The following PHYHIP variants were observed in gnomAD, a reference collection of about 807,000 sequenced individuals.
PHYHIP encodes phytanoyl-CoA hydroxylase-interacting protein.
PHYHIP carries 7 observed loss-of-function variants against 26.1 expected under a neutral mutation model. The observed-to-expected ratio is 0.27, with a 90% CI of 0.15 to 0.50. The LOEUF (loss-of-function observed/expected upper bound fraction) is 0.50, where lower values mean the gene tolerates loss of function less well. Ranked by LOEUF, PHYHIP falls within the 20% of genes least tolerant of loss-of-function variation. The pLI is 0.98. For synonymous variants in PHYHIP, 206 were observed against 183.4 expected (o/e 1.12, Z -1.00); for missense variants, 232 against 454.7 (o/e 0.51, Z 4.45).
chr8:22,225,640 CA>C (rs57092360), intron 3 of PHYHIP, among the ~76,000 whole-genome samples: 102 of 127,966 alleles, frequency 8.0e-4, no homozygotes, highest in South Asian at 5.8e-3. Flanking sequence ...ACTAAAAATA[CA>C]AAAAAAAAAA....
intron 3 of PHYHIP, 84 bp downstream of exon 3, chr8:22,226,767 T>C (rs1267811849): frequency 2.3e-6 from 3 of 1,316,950 alleles, no homozygotes; most frequent in East Asian, 4.8e-5. Flanking sequence ...CAGTGTTTGC[T>C]GGACTACGAG....
At chr8:22,228,779 A>C (rs1309331023) in intron 1 of PHYHIP, 1 of 158,846 alleles carries the variant, frequency 6.3e-6, no homozygotes, top group Non-Finnish European at 1.4e-5. Context: ...GAGGAAACGC[A>C]GGAAGCACCT....
intron 4 of PHYHIP, among the ~76,000 whole-genome samples, chr8:22,222,804 T>TCA (rs1311269410): frequency 6.6e-6 from 1 of 152,136 alleles, no homozygotes; most frequent in Non-Finnish European, 1.5e-5. Flanking sequence ...AGTGGTGCAA[T>TCA]CACAGCTCAC....
In PHYHIP at chr8:22,221,470, G is replaced by A. The variant is rs143500575; in HGVS notation, c.876C>T (p.Val292=). The change falls in exon 5 of 5, where the codon GTC becomes GTT. Residue 292 remains valine (V), a synonymous_variant. Coordinates refer to ENST00000454243, the MANE Select transcript of PHYHIP (RefSeq NM_014759.5). This position sits in a 1 kb window ranked among gnomAD's most constrained non-coding sequence, Gnocchi z 7.9. ...LILEIIYTEP[V]DLSLGTLGEI... is the part of the protein sequence containing the mutation. ...CCCCCAGGGTGCCCAGGGACAGGTC[G>A]ACGGGCTCAGTGTAGATGATCTCCA... 967 of 1,614,124 alleles carry A rather than the reference G, an allele frequency of 6.0e-4. 6 individuals are homozygous for A. In the African/African-American group the frequency reaches 0.011, roughly 19 times the overall value.
chr8:22,230,868 G>A (rs987972566), intron 1 of PHYHIP, among the ~76,000 whole-genome samples: 13 of 151,366 alleles, frequency 8.6e-5, no homozygotes, highest in East Asian at 2.0e-4. Context: ...CACGCACACC[G>A]CCTCACAAGC....
At chr8:22,223,317 G>A (rs1368266868) in intron 4 of PHYHIP, among the ~76,000 whole-genome samples, 5 of 148,334 alleles carry the variant, frequency 3.4e-5, no homozygotes, top group Admixed American at 1.4e-4. Flanking sequence ...AGCAGAGATC[G>A]CGCCCCTGCA....
chr8:22,226,777 G>T, intron 3 of PHYHIP, 74 bp downstream of exon 3: 1 of 1,409,174 alleles, frequency 7.1e-7, no homozygotes, highest in Non-Finnish European at 9.7e-7. Flanking sequence ...TGGACTACGA[G>T]GAAGACCCGC....
intron 4 of PHYHIP, chr8:22,223,956 G>C (rs1829689042): frequency 5.0e-6 from 2 of 403,772 alleles, no homozygotes; most frequent in Admixed American, 8.4e-5. Flanking sequence ...GTCCCAGAGT[G>C]GGAGCAAACC....
intron 2 of PHYHIP, chr8:22,227,547 AGCTGGCC>A (rs1829774756): frequency 2.2e-6 from 1 of 452,226 alleles, no homozygotes; most frequent in Non-Finnish European, 4.5e-6. Flanking sequence ...CCTGGGAGCC[AGCTGGCC>A]GCCTCACTCC....
Position 22,220,427 on chromosome 8 carries a change from A to G in PHYHIP, c.*926T>C, listed in dbSNP as rs1586484623. ...TGGCACCATGGCAGAGCGAGTGAGCAAAGTGCACAGCTGGGCGGGGTGCCG... is the reference window on the plus strand; with the variant it reads ...TGGCACCATGGCAGAGCGAGTGAGCGAAGTGCACAGCTGGGCGGGGTGCCG... On this transcript the variant is annotated 3_prime_UTR_variant, in exon 5 of 5. Transcript: ENST00000454243. The G allele has an allele frequency of 1.3e-5, 2 of 152,774 alleles. No homozygotes were observed. The highest frequency in any genetic ancestry group is 4.1e-4 in the South Asian group (2 of 4,830). 9.5% of individuals were successfully genotyped at this position (152,774 alleles called of 1,614,324 possible).
intron 3 of PHYHIP, among the ~76,000 whole-genome samples, chr8:22,225,761 C>T (rs551016403): frequency 6.0e-5 from 9 of 149,482 alleles, no homozygotes; most frequent in African/African-American, 2.0e-4. Context: ...GCCGAGATCA[C>T]GCCACTGCAC....
At position 22,221,097 on chromosome 8, in the gene PHYHIP, A is replaced by C. The variant is rs1018712354; in HGVS notation, c.*256T>G. On this transcript the variant is annotated 3_prime_UTR_variant, in exon 5 of 5. Transcript: ENST00000454243. This position sits in a 1 kb window ranked among gnomAD's most constrained non-coding sequence, Gnocchi z 7.9. The stretch of plus-strand genomic sequence containing the variant: ...GACAAGGAAACCAGAGGAAAGGGGA[A>C]GTTCTCCAGAAGTCCAGCCCAGCTG... 8.8e-6 allele frequency: 4 copies of C among 455,572 alleles called. No individual in the cohort carries two copies. The highest frequency in any genetic ancestry group is 7.3e-5 in the Admixed American group (2 of 27,518). 28.2% of individuals were successfully genotyped at this position (455,572 alleles called of 1,614,324 possible).
intron 2 of PHYHIP, chr8:22,227,571 C>T: frequency 2.2e-6 from 1 of 456,230 alleles, no homozygotes; most frequent in South Asian, 1.5e-5. Flanking sequence ...CTCCCCCTGC[C>T]TCTGCCAGCT....
At chr8:22,231,095 G>C (rs891356512) in intron 1 of PHYHIP, among the ~76,000 whole-genome samples, 2 of 152,186 alleles carry the variant, frequency 1.3e-5, no homozygotes, top group African/African-American at 4.8e-5. Context: ...CCAGCCCTGA[G>C]CCTTCATGCC....
intron 2 of PHYHIP, 112 bp from the exon 3 acceptor site, chr8:22,227,137 G>A (rs1367844483): frequency 3.1e-6 from 3 of 975,502 alleles, no homozygotes; most frequent in African/African-American, 3.3e-5. Context: ...TCCTGAGCAG[G>A]ACCAATCTTG....
chr8:22,221,635 C>T lies in PHYHIP; in HGVS notation c.711G>A (p.Leu237=). 6.2e-7 allele frequency: 1 copy of T among 1,613,430 alleles called. No individual in the cohort carries two copies. Among genetic ancestry groups the T allele is most frequent in the African/African-American group, 1.3e-5 (1 of 75,026 alleles). The change falls in exon 5 of 5, where the codon CTG becomes CTA. Residue 237 remains leucine, a synonymous_variant. Coordinates refer to ENST00000454243, the MANE Select transcript of PHYHIP (RefSeq NM_014759.5). This position sits in a 1 kb window ranked among gnomAD's most constrained non-coding sequence, Gnocchi z 7.9. ...CMYTAYHYAI[L]VLAPKGSLGD... is the part of the protein sequence containing the mutation. Reference sequence around the variant, plus strand: ...CCAGGGAGCCTTTGGGCGCCAGCACCAGGATGGCGTAGTGGTAGGCCGTGT... The same window carrying T: ...CCAGGGAGCCTTTGGGCGCCAGCACTAGGATGGCGTAGTGGTAGGCCGTGT...
At chr8:22,227,840 T>C (rs1247371448) in intron 2 of PHYHIP, 4 of 408,254 alleles carry the variant, frequency 9.8e-6, no homozygotes, top group Admixed American at 5.9e-5. Flanking sequence ...GTCATCCCCA[T>C]AGGCGAAGCC....
In PHYHIP at chr8:22,224,202, C is replaced by T. The variant is rs754150047; in HGVS notation, c.458+24G>A. ...GGGAGGGAGGAGAGGCCCGGCGGGT[C>T]CAGCCGGGAGCCCGCGCCCATACCT... On this transcript the variant is annotated intron_variant, in intron 4 of 4. Transcript: ENST00000454243. The T allele has an allele frequency of 1.1e-4, 157 of 1,407,596 alleles. 1 individual carries two copies. The highest frequency in any genetic ancestry group is 1.5e-4 in the Non-Finnish European group (150 of 994,628). The allele number at this position is 1,407,596 out of a possible 1,614,324, so 87.2% of individuals were successfully genotyped here. A position where few individuals can be genotyped will look rare whatever the true frequency, so the allele number is the denominator to read the frequency against.
At chr8:22,229,433 CCCCTTATGT>C (rs1829824729) in intron 1 of PHYHIP, among the ~76,000 whole-genome samples, 2 of 152,194 alleles carry the variant, frequency 1.3e-5, no homozygotes, top group South Asian at 4.1e-4. Context: ...CTTTGGTTCT[CCCCTTATGT>C]CTGCTGCTCG....
Sources: allele counts gnomAD v4.1 joint callset (sites outside exome capture counted in the v4.1 genomes callset), GRCh38; gene constraint gnomAD v4.1.1; non-coding constraint Gnocchi (gnomAD v3.1); transcripts MANE v1.5; gene names NCBI Gene and HGNC (gene_info 2026-07-23, HGNC 2026-07-21).